RIMS3: variants seen among roughly 807,000 people sequenced by gnomAD.
RIMS3 encodes regulating synaptic membrane exocytosis protein 3.
Under a neutral mutation model 29.2 loss-of-function variants are expected in RIMS3, and 15 were observed. The ratio of observed to expected loss-of-function variants is 0.51; its 90% CI spans 0.34 to 0.79. The LOEUF (loss-of-function observed/expected upper bound fraction) is 0.79. Among genes scored for constraint, RIMS3 ranks in the 30% least tolerant of loss-of-function variants. RIMS3 has a pLI of 0.01. For missense variants in RIMS3, 342 were observed against 421.4 expected, an observed-to-expected ratio of 0.81 and a Z score of 1.65; for synonymous variants, 161 against 170.1, an observed-to-expected ratio of 0.95 and a Z score of 0.41.
upstream of RIMS3, chr1:40,669,676 G>A (rs1642467434): frequency 6.6e-6 from 1 of 152,290 alleles, no homozygotes; most frequent in Non-Finnish European, 1.5e-5. Flanking sequence ...GCTTGGGGGA[G>A]GAGCAGTGAT....
At chr1:40,689,018 T>A in the RIMS3 span, among the ~76,000 whole-genome samples, 3 of 152,236 alleles carry the variant, frequency 2.0e-5, no homozygotes, top group African/African-American at 7.2e-5. Context: ...GCTAATTTCA[T>A]GGTTGTATTA....
At chr1:40,626,845 C>T (rs1646458008) in intron 7 of RIMS3, 116 bp from the exon 8 acceptor site, 5 of 867,214 alleles carry the variant, frequency 5.8e-6, no homozygotes, top group Non-Finnish European at 5.7e-6. Context: ...GGAGCCAGAA[C>T]TCAAGACTGA....
the RIMS3 span, among the ~76,000 whole-genome samples, chr1:40,684,303 T>C: frequency 7.2e-5 from 11 of 152,352 alleles, no homozygotes; most frequent in East Asian, 2.1e-3. Context: ...AATTCTGCCT[T>C]CCTCTGTGAT....
chr1:40,667,169 T>A (rs1642437695), upstream of RIMS3, among the ~76,000 whole-genome samples: 1 of 152,194 alleles, frequency 6.6e-6, no homozygotes, highest in South Asian at 2.1e-4. Flanking sequence ...ACTGAGGCCC[T>A]ACAATGTGAA....
chr1:40,640,932 C>T (rs1241399401), intron 3 of RIMS3, among the ~76,000 whole-genome samples: 1 of 152,214 alleles, frequency 6.6e-6, no homozygotes, highest in Admixed American at 6.5e-5. Context: ...TATCTGTGAC[C>T]ATGCGCAGTG....
upstream of RIMS3, among the ~76,000 whole-genome samples, chr1:40,667,138 C>T (rs1642437432): frequency 6.6e-6 from 1 of 152,182 alleles, no homozygotes; most frequent in South Asian, 2.1e-4. Context: ...TCCCTTCTCA[C>T]CTGGTCTGTG....
chr1:40,686,237 C>G, the RIMS3 span, among the ~76,000 whole-genome samples: 2 of 152,208 alleles, frequency 1.3e-5, no homozygotes, highest in Non-Finnish European at 2.9e-5. Flanking sequence ...CCACAGCTTA[C>G]AATGTGCCAC....
chr1:40,643,353 G>A (rs1286020872), intron 2 of RIMS3, among the ~76,000 whole-genome samples: 2 of 151,736 alleles, frequency 1.3e-5, no homozygotes, highest in African/African-American at 2.4e-5. Context: ...GGCTGGTCTC[G>A]AACTCCTGAC....
chr1:40,642,726 C>A (rs138077744), intron 2 of RIMS3, among the ~76,000 whole-genome samples: 16 of 151,740 alleles, frequency 1.1e-4, no homozygotes, highest in African/African-American at 2.9e-4. Flanking sequence ...GAGGCCGAGG[C>A]GGGCGGATCA....
chr1:40,688,934 T>C, the RIMS3 span, among the ~76,000 whole-genome samples: 1 of 152,230 alleles, frequency 6.6e-6, no homozygotes, highest in Non-Finnish European at 1.5e-5. Flanking sequence ...TCCTCCCATA[T>C]GCCCTTTATC....
chr1:40,627,352 C>T (rs1646461216), intron 7 of RIMS3, among the ~76,000 whole-genome samples: 2 of 151,194 alleles, frequency 1.3e-5, no homozygotes, highest in South Asian at 4.2e-4. Context: ...CCTCAGCCTC[C>T]CGAGTAGCTG....
chr1:40,691,673 A>C, the RIMS3 span: 1 of 447,464 alleles, frequency 2.2e-6, no homozygotes, highest in Non-Finnish European at 4.5e-6. Flanking sequence ...TCCAGGCGCC[A>C]AGGGAGGGGG....
chr1:40,633,901 G>T (rs1302908098), intron 4 of RIMS3, among the ~76,000 whole-genome samples: 1 of 152,232 alleles, frequency 6.6e-6, no homozygotes, highest in African/African-American at 2.4e-5. Context: ...AAATTGCCTT[G>T]CCTGCAAAAC....
chr1:40,651,522 C>T (rs1004672510), intron 1 of RIMS3, among the ~76,000 whole-genome samples: 7 of 152,176 alleles, frequency 4.6e-5, no homozygotes, highest in African/African-American at 1.4e-4. Flanking sequence ...CTGTTTGTGG[C>T]GCTTTATTGC....
chr1:40,629,061 C>T, intron 6 of RIMS3, 112 bp from the exon 7 acceptor site: 3 of 1,383,022 alleles, frequency 2.2e-6, no homozygotes, highest in Non-Finnish European at 2.0e-6. Flanking sequence ...GTGGAATGAG[C>T]CAGCCAGTGG....
chr1:40,679,205 C>G, the RIMS3 span, among the ~76,000 whole-genome samples: 2 of 152,190 alleles, frequency 1.3e-5, no homozygotes, highest in Admixed American at 6.5e-5. Context: ...GCTGGAAAGG[C>G]TGAAGGTCTC....
At chr1:40,670,610 T>TATATATATATATATA (rs1642482130), upstream of RIMS3, among the ~76,000 whole-genome samples, 1 of 35,828 alleles carries the variant, frequency 2.8e-5, no homozygotes, top group Non-Finnish European at 5.0e-5. Flanking sequence ...ATATATATAT[T>TATATATATATATATA]TGAGATGGAG....
intron 5 of RIMS3, among the ~76,000 whole-genome samples, chr1:40,629,798 C>T (rs1015030001): frequency 3.9e-5 from 6 of 152,040 alleles, no homozygotes; most frequent in African/African-American, 4.8e-5. Context: ...CGTTTGAGGC[C>T]GGGCGCAGTG....
At chr1:40,628,977 G>A (rs1280438991) in intron 6 of RIMS3, 28 bp from the exon 7 acceptor site, 1 of 1,612,330 alleles carries the variant, frequency 6.2e-7, no homozygotes, top group Non-Finnish European at 8.5e-7. Flanking sequence ...GTATGACAGG[G>A]AGGGGTCCAG....
Sources: allele counts gnomAD v4.1 joint callset (sites outside exome capture counted in the v4.1 genomes callset), GRCh38; gene constraint gnomAD v4.1.1; transcripts MANE v1.5; gene names NCBI Gene and HGNC (gene_info 2026-07-23, HGNC 2026-07-21).